The following TEK variants were observed in gnomAD, a reference collection of about 807,000 sequenced individuals.
TEK encodes the protein angiopoietin-1 receptor.
In TEK, 43 loss-of-function variants were observed where a neutral mutation model predicts 131.8. That is an observed-to-expected ratio of 0.33 (90% CI 0.26 to 0.42). The LOEUF (loss-of-function observed/expected upper bound fraction) is 0.42, where lower values mean the gene tolerates loss of function less well. TEK is among the 10% of genes least tolerant of loss of function. TEK has a pLI of 1.00. For synonymous variants in TEK, 580 were observed against 491.6 expected (o/e 1.18, Z -2.38); for missense variants, 1,162 against 1,384.4 (o/e 0.84, Z 2.55).
At chr9:27,219,050 A>ATGAACTTTATTATAT (rs55938779) in intron 20 of TEK, among the ~76,000 whole-genome samples, 1 of 152,138 alleles carries the variant, frequency 6.6e-6, no homozygotes, top group African/African-American at 2.4e-5. Context: ...ATTATATATT[A>ATGAACTTTATTATAT]ATTGGCTCCG....
At chr9:27,145,652 G>T (rs971335023) in intron 1 of TEK, among the ~76,000 whole-genome samples, 2 of 152,282 alleles carry the variant, frequency 1.3e-5, no homozygotes, top group African/African-American at 4.8e-5. Flanking sequence ...CAGGCAATTA[G>T]TAATTCACAA....
In TEK at chr9:27,173,500, G is replaced by C. The variant is rs141174396; in HGVS notation, c.901+138G>C. 3,602 of 1,059,358 alleles carry C rather than the reference G, an allele frequency of 3.4e-3. 102 individuals carry two copies. The highest frequency in any genetic ancestry group is 4.0e-4 in the Non-Finnish European group (279 of 691,334). The allele number at this position is 1,059,358 out of a possible 1,614,324, so 65.6% of individuals were successfully genotyped here. ...ACTGGACAACAGGATTTTGAATCAT[G>C]GATGTTTACATCCAATGTTAATTAT... On this transcript the variant is annotated intron_variant, in intron 6 of 22. Transcript: ENST00000380036.
At chr9:27,136,625 G>A (rs2131073447) in intron 1 of TEK, among the ~76,000 whole-genome samples, 1 of 152,268 alleles carries the variant, frequency 6.6e-6, no homozygotes, top group East Asian at 1.9e-4. Flanking sequence ...ACATTTGTGA[G>A]TATTGTGAGT....
At chr9:27,115,543 T>C (rs1312911774) in intron 1 of TEK, among the ~76,000 whole-genome samples, 2 of 152,026 alleles carry the variant, frequency 1.3e-5, no homozygotes, top group African/African-American at 4.8e-5. Context: ...TGAACATAAA[T>C]ATTTAATTAA....
intron 6 of TEK, among the ~76,000 whole-genome samples, chr9:27,177,526 G>A (rs1006619262): frequency 6.6e-5 from 10 of 152,294 alleles, no homozygotes; most frequent in Admixed American, 4.6e-4. Flanking sequence ...CAAGGCGGGC[G>A]GATCACCTGA....
At chr9:27,151,867 G>A (rs899912013) in intron 1 of TEK, among the ~76,000 whole-genome samples, 11 of 152,102 alleles carry the variant, frequency 7.2e-5, no homozygotes, top group Admixed American at 4.6e-4. Flanking sequence ...TCTTTTTCAG[G>A]ACAGCAAAAA....
At chr9:27,222,186 A>G (rs473205) in intron 21 of TEK, among the ~76,000 whole-genome samples, 87,775 of 151,956 alleles carry the variant, frequency 0.58, 25,516 homozygotes, top group Middle Eastern at 0.71. Context: ...TAGAGAAAAA[A>G]TAATGAAAAG....
At chr9:27,171,860 G>T (rs527316527) in intron 4 of TEK, among the ~76,000 whole-genome samples, 3 of 152,260 alleles carry the variant, frequency 2.0e-5, no homozygotes, top group African/African-American at 7.2e-5. Context: ...ACTCAGGAGA[G>T]TCTGAATGTC....
chr9:27,138,812 A>G (rs1822604466), intron 1 of TEK, among the ~76,000 whole-genome samples: 1 of 152,182 alleles, frequency 6.6e-6, no homozygotes, highest in Admixed American at 6.5e-5. Context: ...ACAGGAATTG[A>G]GTATGTGTGA....
At chr9:27,220,003 C>A (rs1825998157) in intron 20 of TEK, 46 bp from the exon 21 acceptor site, 1 of 1,592,604 alleles carries the variant, frequency 6.3e-7, no homozygotes, top group South Asian at 1.1e-5. Context: ...GGAAGCATTG[C>A]TTTTCATGCC....
intron 17 of TEK, 130 bp from the exon 18 acceptor site, chr9:27,213,354 C>G (rs1825702780): frequency 1.5e-6 from 1 of 686,232 alleles, no homozygotes; most frequent in South Asian, 1.6e-5. Flanking sequence ...TGGAGGGGAA[C>G]TTTAAGGGAA....
chr9:27,164,728 G>T (rs888595196), intron 2 of TEK, among the ~76,000 whole-genome samples: 1 of 152,054 alleles, frequency 6.6e-6, no homozygotes, highest in Admixed American at 6.6e-5. Context: ...TGGAGCGGGG[G>T]TCTCACTGTG....
intron 17 of TEK, 37 bp downstream of exon 17, chr9:27,212,934 G>T (rs763425263): frequency 1.2e-5 from 19 of 1,605,558 alleles, no homozygotes; most frequent in Non-Finnish European, 1.4e-5. Context: ...TATCTTTCCT[G>T]TGGAGTTCCC....
chr9:27,176,617 A>G (rs371490570), intron 6 of TEK, among the ~76,000 whole-genome samples: 9 of 152,230 alleles, frequency 5.9e-5, no homozygotes, highest in African/African-American at 2.2e-4. Flanking sequence ...TGATATATCT[A>G]TACATTGTGA....
intron 12 of TEK, chr9:27,198,367 A>T (rs1386876438): frequency 6.6e-6 from 1 of 152,260 alleles, no homozygotes; most frequent in African/African-American, 2.4e-5. Flanking sequence ...ATGGGAGATT[A>T]TGTGGTCCCT....
intron 9 of TEK, among the ~76,000 whole-genome samples, chr9:27,189,089 G>C (rs1166727102): frequency 9.9e-5 from 15 of 152,102 alleles, no homozygotes; most frequent in South Asian, 8.3e-4. Flanking sequence ...AAATCTGAAA[G>C]GTTCTGCATT....
chr9:27,109,744 G>A, intron 1 of TEK, 102 bp downstream of exon 1: 1 of 1,193,270 alleles, frequency 8.4e-7, no homozygotes, highest in Non-Finnish European at 1.2e-6. Flanking sequence ...TGAACAAGGG[G>A]TGGCTGTAGC....
chr9:27,206,831 G>C (rs1441752272), intron 15 of TEK, 39 bp downstream of exon 15: 2 of 1,600,448 alleles, frequency 1.2e-6, no homozygotes, highest in South Asian at 2.2e-5. Context: ...TTGCGTGAGG[G>C]TGTGGAGAAA....
chr9:27,227,883 A>G (rs1826400525), intron 21 of TEK, among the ~76,000 whole-genome samples: 2 of 152,180 alleles, frequency 1.3e-5, no homozygotes. Flanking sequence ...TGGGCCCTTT[A>G]AGAGACACTA....
Sources: allele counts gnomAD v4.1 joint callset (sites outside exome capture counted in the v4.1 genomes callset), GRCh38; gene constraint gnomAD v4.1.1; transcripts MANE v1.5; gene names NCBI Gene and HGNC (gene_info 2026-07-23, HGNC 2026-07-21).